Variants in ATP8B4 observed in about 807,000 individuals in gnomAD.
ATP8B4 encodes ATPase phospholipid transporting 8B4 (putative).
Under a neutral mutation model 145.6 loss-of-function variants are expected in ATP8B4, and 133 were observed. The ratio of observed to expected loss-of-function variants is 0.91; its 90% CI spans 0.79 to 1.05. The LOEUF is 1.05. Among genes scored for constraint, ATP8B4 ranks in the 50% least tolerant of loss-of-function variants. The pLI is 0.00. For synonymous variants in ATP8B4, 507 were observed against 492.9 expected (o/e 1.03, Z -0.38); for missense variants, 1,458 against 1,425.2 (o/e 1.02, Z -0.37).
intron 1 of ATP8B4, among the ~76,000 whole-genome samples, chr15:50,167,630 G>A (rs929698576): frequency 6.6e-6 from 1 of 151,962 alleles, no homozygotes; most frequent in South Asian, 2.1e-4. Flanking sequence ...TTTTTTGGAG[G>A]GCAGCGCGAG....
chr15:50,118,983 A>G (rs2057229749), intron 1 of ATP8B4, 140 bp downstream of exon 1: 1 of 152,234 alleles, frequency 6.6e-6, no homozygotes, highest in Middle Eastern at 3.2e-3. Flanking sequence ...AATAAAGAAT[A>G]TTTGTGAAAC....
At chr15:49,950,661 CGTT>C (rs1567060092) in intron 14 of ATP8B4, among the ~76,000 whole-genome samples, 1 of 149,222 alleles carries the variant, frequency 6.7e-6, no homozygotes, top group Non-Finnish European at 1.5e-5. Context: ...CTCCTGGATT[CGTT>C]GATTTTTTGG....
intron 6 of ATP8B4, among the ~76,000 whole-genome samples, chr15:50,012,635 G>A (rs1390212524): frequency 2.6e-5 from 4 of 152,126 alleles, no homozygotes; most frequent in Non-Finnish European, 2.9e-5. Flanking sequence ...AGAGGAAATT[G>A]TCTTATGATT....
chr15:49,860,104 T>G lies in ATP8B4; in HGVS notation c.*90A>C. The G allele has an allele frequency of 6.9e-7, 1 of 1,459,514 alleles. No homozygotes were observed. Among genetic ancestry groups the G allele is most frequent in the Non-Finnish European group, 9.2e-7 (1 of 1,084,066 alleles). 90.4% of individuals were successfully genotyped at this position (1,459,514 alleles called of 1,614,324 possible). A position where few individuals can be genotyped will look rare whatever the true frequency, so the allele number is the denominator to read the frequency against. ...AGTGAGGCAATCTGCCTGCCCCACC[T>G]CTTGCCTCAAATCTCAAACTCTGGA... On this transcript the variant is annotated 3_prime_UTR_variant, in exon 28 of 28. Transcript: ENST00000284509.
intron 7 of ATP8B4, among the ~76,000 whole-genome samples, chr15:50,007,655 C>T (rs1437380140): frequency 2.0e-5 from 3 of 152,140 alleles, no homozygotes; most frequent in Non-Finnish European, 2.9e-5. Flanking sequence ...CTGGTTTCCC[C>T]CAAATCTACC....
chr15:49,941,534 T>A (rs1011284923), intron 14 of ATP8B4, among the ~76,000 whole-genome samples: 1 of 152,098 alleles, frequency 6.6e-6, no homozygotes, highest in East Asian at 1.9e-4. Flanking sequence ...GTTCCTACAA[T>A]AATGAATAAT....
At chr15:50,075,340 T>A (rs1167618602) in intron 2 of ATP8B4, among the ~76,000 whole-genome samples, 1 of 152,174 alleles carries the variant, frequency 6.6e-6, no homozygotes, top group African/African-American at 2.4e-5. Flanking sequence ...CCAGGCACCA[T>A]GAATTGTAAG....
intron 23 of ATP8B4, 100 bp from the exon 24 acceptor site, chr15:49,879,559 T>G (rs2035055915): frequency 2.0e-6 from 2 of 1,024,664 alleles, no homozygotes; most frequent in Non-Finnish European, 2.8e-6. Flanking sequence ...TGGGTGGGAG[T>G]TGACTTTTGG....
At chr15:50,050,394 A>AT (rs200513130) in intron 3 of ATP8B4, among the ~76,000 whole-genome samples, 5,397 of 152,338 alleles carry the variant, frequency 0.035, 128 homozygotes, top group South Asian at 0.079. Flanking sequence ...TCATTTCTAC[A>AT]TAAATCACTA....
chr15:49,879,886 A>C (rs1390913335), intron 23 of ATP8B4: 2 of 153,454 alleles, frequency 1.3e-5, no homozygotes, highest in African/African-American at 4.8e-5. Flanking sequence ...TATAGTAATA[A>C]GCCTGTTATT....
upstream of ATP8B4, among the ~76,000 whole-genome samples, chr15:50,121,824 C>A (rs1012720663): frequency 2.0e-5 from 3 of 152,078 alleles, no homozygotes; most frequent in African/African-American, 7.2e-5. Flanking sequence ...TCCTTTATGT[C>A]TGTAGTCTAG....
chr15:50,002,908 T>C (rs1450056337), intron 7 of ATP8B4, among the ~76,000 whole-genome samples: 1 of 152,214 alleles, frequency 6.6e-6, no homozygotes, highest in Non-Finnish European at 1.5e-5. Context: ...GAGCTTTGCA[T>C]ATCACCTATC....
In ATP8B4 at chr15:50,002,206, T is replaced by G; in HGVS notation, c.453A>C (p.Leu151=). 6.2e-7 allele frequency: 1 copy of G among 1,610,440 alleles called. No homozygotes were observed. Among genetic ancestry groups the G allele is most frequent in the Non-Finnish European group, 8.5e-7 (1 of 1,177,506 alleles). Residue 151 remains leucine, a synonymous_variant, in exon 8 of 28, where the codon CTA becomes CTC. Coordinates refer to ENST00000284509, the MANE Select transcript of ATP8B4 (RefSeq NM_024837.4). ...NQFVAADLLL[L]SSSEPHGLCY... ...AGAGACCATGTGGCTCACTACTTGA[T>G]AGGAGAAGTAAATCAGCCTATTTTC...
chr15:50,098,266 ATTTTTTTTTTTTTTTTTTTTTTTTTTTTT>A (rs71124319), intron 2 of ATP8B4, among the ~76,000 whole-genome samples: 3 of 41,728 alleles, frequency 7.2e-5, no homozygotes, highest in African/African-American at 1.7e-4. Flanking sequence ...TTGTCAGGTG[ATTTTTTTTTTTTTTTTTTTTTTTTTTTTT>A]TTTTTTTTTT....
At chr15:49,944,815 G>A (rs1042162521) in intron 14 of ATP8B4, among the ~76,000 whole-genome samples, 1 of 151,996 alleles carries the variant, frequency 6.6e-6, no homozygotes, top group Admixed American at 6.5e-5. Flanking sequence ...ACATGTTAGA[G>A]CACAAAAGAA....
intron 15 of ATP8B4, among the ~76,000 whole-genome samples, chr15:49,931,658 T>A (rs1295696094): frequency 6.6e-6 from 1 of 152,172 alleles, no homozygotes; most frequent in African/African-American, 2.4e-5. Context: ...AACATTTTAA[T>A]ATATATTAAC....
intron 6 of ATP8B4, among the ~76,000 whole-genome samples, chr15:50,032,099 T>C (rs1269006220): frequency 1.3e-5 from 2 of 152,146 alleles, no homozygotes; most frequent in African/African-American, 2.4e-5. Flanking sequence ...CATGTGCCAT[T>C]GTGGTTTGCT....
intron 23 of ATP8B4, among the ~76,000 whole-genome samples, chr15:49,889,468 A>G (rs1201103666): frequency 6.6e-6 from 1 of 152,256 alleles, no homozygotes; most frequent in Admixed American, 6.5e-5. Flanking sequence ...CAAGCCAATC[A>G]CAACATAAGC....
At chr15:49,896,839 T>C (rs1039831253) in intron 23 of ATP8B4, 3 of 153,152 alleles carry the variant, frequency 2.0e-5, no homozygotes, top group Non-Finnish European at 4.4e-5. Flanking sequence ...TTTTAGCTGA[T>C]GAATTGCTGT....
Sources: allele counts gnomAD v4.1 joint callset (sites outside exome capture counted in the v4.1 genomes callset), GRCh38; gene constraint gnomAD v4.1.1; transcripts MANE v1.5; gene names NCBI Gene and HGNC (gene_info 2026-07-23, HGNC 2026-07-21).